Variants in LRIF1 observed in about 807,000 individuals in gnomAD.
LRIF1 encodes ligand-dependent nuclear receptor-interacting factor 1.
LRIF1 carries 32 observed loss-of-function variants against 52.7 expected under a neutral mutation model. The ratio of observed to expected loss-of-function variants is 0.61; its 90% CI spans 0.46 to 0.82. The LOEUF is 0.82. Ranked by LOEUF, LRIF1 falls within the 40% of genes least tolerant of loss-of-function variation. The pLI, the probability that LRIF1 is intolerant of heterozygous loss-of-function variation, is 0.00. For synonymous variants in LRIF1, 323 were observed against 317.4 expected (o/e 1.02, Z -0.19); for missense variants, 887 against 892.0 (o/e 0.99, Z 0.07).
the LRIF1 span, among the ~76,000 whole-genome samples, chr1:110,878,886 T>C: frequency 6.6e-6 from 1 of 152,250 alleles, no homozygotes; most frequent in Non-Finnish European, 1.5e-5. Flanking sequence ...AACGCTTTTC[T>C]TCACTGAAAG....
chr1:110,891,250 C>A, the LRIF1 span: 2 of 640,910 alleles, frequency 3.1e-6, no homozygotes, highest in Non-Finnish European at 5.6e-6. Context: ...ACTAGGAAAG[C>A]GCAGAGTTTG....
At chr1:110,875,097 G>A in the LRIF1 span, among the ~76,000 whole-genome samples, 1 of 152,204 alleles carries the variant, frequency 6.6e-6, no homozygotes, top group Non-Finnish European at 1.5e-5. Context: ...CTAGAGAGGT[G>A]ACTGGTGGGT....
At chr1:110,931,924 A>C in the LRIF1 span, among the ~76,000 whole-genome samples, 1 of 152,052 alleles carries the variant, frequency 6.6e-6, no homozygotes, top group Non-Finnish European at 1.5e-5. Context: ...ATTTTCTCCC[A>C]TTCTGTAGGT....
At chr1:110,876,477 C>T in the LRIF1 span, among the ~76,000 whole-genome samples, 1 of 152,220 alleles carries the variant, frequency 6.6e-6, no homozygotes, top group East Asian at 1.9e-4. Flanking sequence ...ATTTTATTTT[C>T]CAAACCTTTT....
At chr1:110,914,214 TC>T in the LRIF1 span, among the ~76,000 whole-genome samples, 1 of 152,020 alleles carries the variant, frequency 6.6e-6, no homozygotes, top group African/African-American at 2.4e-5. Flanking sequence ...CTATGCTCAC[TC>T]CCTGGGTGAC....
chr1:110,894,482 G>C, the LRIF1 span: 1 of 1,060,546 alleles, frequency 9.4e-7, no homozygotes, highest in African/African-American at 1.6e-5. Context: ...CAAAGTTACA[G>C]AATAAGTTCT....
the LRIF1 span, among the ~76,000 whole-genome samples, chr1:110,923,565 CAG>C: frequency 6.6e-6 from 1 of 151,876 alleles, no homozygotes; most frequent in South Asian, 2.1e-4. Flanking sequence ...CAAAAAGAAT[CAG>C]AAAATCTTTA....
chr1:110,952,501 A>G lies in LRIF1; in HGVS notation c.383T>C (p.Phe128Ser). ...CTGAACTTTAGAAACTGATGAAGAAAAATTTCCAGTTCCCACAGAAGTAAC... is the reference window on the plus strand; with the variant it reads ...CTGAACTTTAGAAACTGATGAAGAAGAATTTCCAGTTCCCACAGAAGTAAC... Reference protein sequence around the residue: ...GRVTSVGTGNFSSSVSKVQSH... With the variant: ...GRVTSVGTGNSSSSVSKVQSH... Residue 128 changes from phenylalanine (F) to serine (S), a missense_variant, in exon 2 of 4, where the codon TTT (phenylalanine) becomes TCT (serine). Phe to Ser is a radical substitution (Grantham distance 155). Coordinates refer to ENST00000369763, the MANE Select transcript of LRIF1 (RefSeq NM_018372.4). The G allele has an allele frequency of 6.2e-7, 1 of 1,613,410 alleles. No individual in the cohort carries two copies. The highest frequency in any genetic ancestry group is 8.5e-7 in the Non-Finnish European group (1 of 1,179,406).
chr1:110,893,676 C>G, the LRIF1 span, among the ~76,000 whole-genome samples: 1 of 152,200 alleles, frequency 6.6e-6, no homozygotes, highest in Non-Finnish European at 1.5e-5. Context: ...TAAAAAGTCC[C>G]TCTTCTCAGA....
chr1:110,951,595 G>C lies in LRIF1; in HGVS notation c.1289C>G (p.Ser430Cys), dbSNP rs1428953213. 11 of 1,613,942 alleles carry C rather than the reference G, an allele frequency of 6.8e-6. No homozygotes were observed. The highest frequency in any genetic ancestry group is 1.3e-5 in the African/African-American group (1 of 74,914). Residue 430 changes from serine (S) to cysteine (C), a missense_variant, in exon 2 of 4, where the codon TCC becomes TGC. Physicochemically the swap from Ser to Cys is moderately radical, Grantham distance 112 (BLOSUM62 -1). Transcript: ENST00000369763. ...GGCCATGGAAGCAAGCTGGGTATTG[G>C]AAAGTGATTTTGTCTCCATCTGGGA... ...KSSQMETKSL[S>C]NTQLASMANL...
At chr1:110,944,687 T>C (rs1296666869), downstream of LRIF1, 1 of 152,196 alleles carries the variant, frequency 6.6e-6, no homozygotes, top group Non-Finnish European at 1.5e-5. Context: ...GACAAATAGC[T>C]GGTCTCTAAA....
the LRIF1 span, among the ~76,000 whole-genome samples, chr1:110,893,081 C>G: frequency 6.6e-6 from 1 of 152,172 alleles, no homozygotes; most frequent in Non-Finnish European, 1.5e-5. Context: ...TTTGCATGTT[C>G]CCTATCAGGT....
chr1:110,948,196 CTT>C lies in LRIF1; in HGVS notation c.2071_2072del (p.Lys691GlufsTer3). ...LTSHSKTRQE[K>X]RTEMEYYTHE... ...GGGTATAGTATTCCATCTCAGTTCT[CTT>C]TTCTTGTCTGGTTTTGCTGTGACTC... On this transcript the variant is annotated frameshift_variant, in exon 4 of 4. Coordinates refer to ENST00000369763, the MANE Select transcript of LRIF1 (RefSeq NM_018372.4). LOFTEE classifies it high-confidence loss of function. 6.2e-7 allele frequency: 1 copy of C among 1,614,066 alleles called. No homozygotes were observed. The highest frequency in any genetic ancestry group is 8.5e-7 in the Non-Finnish European group (1 of 1,179,998).
the LRIF1 span, among the ~76,000 whole-genome samples, chr1:110,922,063 G>C: frequency 1.3e-5 from 2 of 152,168 alleles, no homozygotes; most frequent in Non-Finnish European, 2.9e-5. Flanking sequence ...TTATAAGTGA[G>C]AACATGTGGT....
At chr1:110,888,690 A>G in the LRIF1 span, among the ~76,000 whole-genome samples, 1 of 152,334 alleles carries the variant, frequency 6.6e-6, no homozygotes, top group South Asian at 2.1e-4. Context: ...AGTTATCTCA[A>G]TATGTACAAA....
chr1:110,893,282 G>A, the LRIF1 span, among the ~76,000 whole-genome samples: 1 of 152,014 alleles, frequency 6.6e-6, no homozygotes, highest in African/African-American at 2.4e-5. Context: ...TTTCCATTAT[G>A]GTTCAACATT....
chr1:110,948,109 G>A lies in LRIF1; in HGVS notation c.2160C>T (p.Phe720=). ...SNAAYEQSHF[F]NKNYTEDIFP... ...AAATATCTTCGGTATAATTTTTATTGAAGAAATGACTTTGTTCATAAGCTG... is the reference window on the plus strand; with the variant it reads ...AAATATCTTCGGTATAATTTTTATTAAAGAAATGACTTTGTTCATAAGCTG... Residue 720 remains phenylalanine (F), a synonymous_variant, in exon 4 of 4, where the codon TTC becomes TTT. Transcript: ENST00000369763. 6.2e-7 allele frequency: 1 copy of A among 1,613,966 alleles called. No homozygotes were observed. The highest frequency in any genetic ancestry group is 8.5e-7 in the Non-Finnish European group (1 of 1,179,976).
the LRIF1 span, among the ~76,000 whole-genome samples, chr1:110,925,988 C>T: frequency 2.0e-5 from 3 of 151,714 alleles, no homozygotes; most frequent in African/African-American, 7.3e-5. Flanking sequence ...GAGAAAACCA[C>T]AAAATTTTAC....
chr1:110,948,161 T>G lies in LRIF1; in HGVS notation c.2108A>C (p.Gln703Pro), dbSNP rs758831233. ...TEMEYYTHEK[Q>P]EKGTLNSNAA... ...ATTTGAATTCAAAGTGCCTTTCTCT[T>G]GCTTCTCATGGGTATAGTATTCCAT... Residue 703 changes from glutamine to proline, a missense_variant, in exon 4 of 4, where the codon CAA (glutamine) becomes CCA (proline). Coordinates refer to ENST00000369763, the MANE Select transcript of LRIF1 (RefSeq NM_018372.4). The G allele has an allele frequency of 6.8e-6, 11 of 1,614,018 alleles. No individual in the cohort carries two copies. The highest frequency in any genetic ancestry group is 4.5e-5 in the East Asian group (2 of 44,880).
Sources: allele counts gnomAD v4.1 joint callset (sites outside exome capture counted in the v4.1 genomes callset), GRCh38; gene constraint gnomAD v4.1.1; transcripts MANE v1.5; gene names NCBI Gene and HGNC (gene_info 2026-07-23, HGNC 2026-07-21).